The following FSTL4 variants were observed in gnomAD, a reference collection of about 807,000 sequenced individuals.
The protein encoded by FSTL4 is follistatin-related protein 4.
Under a neutral mutation model 78.2 loss-of-function variants are expected in FSTL4, and 28 were observed. The observed-to-expected ratio is 0.36, with a 90% CI of 0.27 to 0.49. The LOEUF (loss-of-function observed/expected upper bound fraction) is 0.49. Among genes scored for constraint, FSTL4 ranks in the 20% least tolerant of loss-of-function variants. The probability of loss-of-function intolerance (pLI) is 0.98; values close to 1 mark genes in which losing one functional copy is unlikely to be tolerated. For missense variants in FSTL4, 922 were observed against 1,084.9 expected (o/e 0.85, Z 2.11); for synonymous variants, 422 against 440.5 (o/e 0.96, Z 0.53).
At chr5:133,635,519 G>A in the FSTL4 span, among the ~76,000 whole-genome samples, 1 of 152,070 alleles carries the variant, frequency 6.6e-6, no homozygotes, top group East Asian at 1.9e-4. Context: ...ATCCCAGCAC[G>A]TTGGGAGGCC....
intron 6 of FSTL4, among the ~76,000 whole-genome samples, chr5:133,265,678 G>A (rs1194729061): frequency 6.6e-6 from 1 of 152,196 alleles, no homozygotes; most frequent in African/African-American, 2.4e-5. Flanking sequence ...CTGAACGCAG[G>A]GGAGTCACTC....
intron 3 of FSTL4, among the ~76,000 whole-genome samples, chr5:133,432,488 G>C (rs545248618): frequency 1.6e-4 from 24 of 152,322 alleles, no homozygotes; most frequent in South Asian, 4.1e-4. Context: ...CTACCTTGTG[G>C]GGGTGGTGTG....
the FSTL4 span, among the ~76,000 whole-genome samples, chr5:133,687,469 C>T: frequency 5.9e-5 from 9 of 152,062 alleles, no homozygotes; most frequent in South Asian, 2.1e-4. Context: ...CTCCTCAGCC[C>T]GGGTAGTGAT....
chr5:133,551,893 A>C (rs1759697918), intron 3 of FSTL4, among the ~76,000 whole-genome samples: 1 of 152,250 alleles, frequency 6.6e-6, no homozygotes, highest in Non-Finnish European at 1.5e-5. Context: ...TTAAAGACAT[A>C]ACTTACATAG....
chr5:133,447,765 C>T (rs1393631114), intron 3 of FSTL4, among the ~76,000 whole-genome samples: 1 of 152,194 alleles, frequency 6.6e-6, no homozygotes, highest in Non-Finnish European at 1.5e-5. Flanking sequence ...GTCTTGAACT[C>T]CTGACCTCAA....
At chr5:133,324,473 C>T (rs867538114) in intron 4 of FSTL4, among the ~76,000 whole-genome samples, 1 of 152,250 alleles carries the variant, frequency 6.6e-6, no homozygotes, top group African/African-American at 2.4e-5. Context: ...ACTCCTTCAG[C>T]CTCCCTCGCC....
In FSTL4 at chr5:133,382,947, G is replaced by T. The variant is rs948177282; in HGVS notation, c.409+17791C>A. Among the ~76,000 whole-genome samples, 5 of 152,210 alleles carry T rather than the reference G, an allele frequency of 3.3e-5. No homozygotes were observed. The East Asian group carries it at 9.7e-4, about 29-fold the overall frequency. ...GAGAGACAGGGAGAGAGAGAGAAGG[G>T]GGGTGGGAGAAGGAGGAACAGAGCG... On this transcript the variant is annotated intron_variant, in intron 4 of 15. Transcript: ENST00000265342.
chr5:133,667,992 T>C, the FSTL4 span, among the ~76,000 whole-genome samples: 1 of 152,244 alleles, frequency 6.6e-6, no homozygotes, highest in Non-Finnish European at 1.5e-5. Flanking sequence ...TTACTTTTCA[T>C]GCCTGATAAC....
the FSTL4 span, among the ~76,000 whole-genome samples, chr5:133,762,969 C>T: frequency 6.6e-6 from 1 of 152,214 alleles, no homozygotes; most frequent in Non-Finnish European, 1.5e-5. Flanking sequence ...TGCATCTGAG[C>T]AGGATGGCAC....
At chr5:133,463,207 C>T (rs1375632583) in intron 3 of FSTL4, among the ~76,000 whole-genome samples, 1 of 152,184 alleles carries the variant, frequency 6.6e-6, no homozygotes, top group African/African-American at 2.4e-5. Flanking sequence ...AAATTTTAGT[C>T]AGGCTTTTTT....
chr5:133,269,688 C>T (rs1581582911), intron 6 of FSTL4, among the ~76,000 whole-genome samples: 1 of 152,166 alleles, frequency 6.6e-6, no homozygotes, highest in East Asian at 1.9e-4. Flanking sequence ...TTGTCTGCTC[C>T]ATGTAAGGGG....
chr5:133,531,983 T>C (rs1759263776), intron 3 of FSTL4, among the ~76,000 whole-genome samples: 1 of 152,214 alleles, frequency 6.6e-6, no homozygotes. Flanking sequence ...CTGGTACCTA[T>C]ACATATGTTC....
chr5:133,224,792 G>A (rs1334687465), intron 10 of FSTL4, among the ~76,000 whole-genome samples: 1 of 152,228 alleles, frequency 6.6e-6, no homozygotes, highest in African/African-American at 2.4e-5. Context: ...TGTGTGCACA[G>A]GTCAGGTTCT....
At chr5:133,281,222 T>C (rs553594238) in intron 6 of FSTL4, among the ~76,000 whole-genome samples, 1 of 152,234 alleles carries the variant, frequency 6.6e-6, no homozygotes, top group East Asian at 1.9e-4. Flanking sequence ...GGCCTGGTAT[T>C]TGTGATCTGC....
intron 3 of FSTL4, among the ~76,000 whole-genome samples, chr5:133,407,913 C>T (rs541319296): frequency 1.9e-4 from 29 of 152,280 alleles, no homozygotes; most frequent in Non-Finnish European, 3.4e-4. Flanking sequence ...ACAGTGCAGA[C>T]GCTGATTCAG....
intron 4 of FSTL4, among the ~76,000 whole-genome samples, chr5:133,376,842 T>C (rs1755445748): frequency 6.7e-6 from 1 of 150,274 alleles, no homozygotes; most frequent in African/African-American, 2.5e-5. Flanking sequence ...TGAGCCGAGA[T>C]TGTGCCATTG....
At chr5:133,639,493 C>G in the FSTL4 span, among the ~76,000 whole-genome samples, 2 of 152,180 alleles carry the variant, frequency 1.3e-5, no homozygotes, top group Non-Finnish European at 2.9e-5. Flanking sequence ...GATGAGAAAG[C>G]CTTTGCTCCT....
chr5:133,378,047 C>T (rs1380275663), intron 4 of FSTL4, among the ~76,000 whole-genome samples: 1 of 152,070 alleles, frequency 6.6e-6, no homozygotes, highest in African/African-American at 2.4e-5. Flanking sequence ...CCAACAAAAC[C>T]ACTTTTCAAA....
At chr5:133,255,965 T>C (rs1752369992) in intron 6 of FSTL4, among the ~76,000 whole-genome samples, 1 of 152,334 alleles carries the variant, frequency 6.6e-6, no homozygotes, top group African/African-American at 2.4e-5. Flanking sequence ...TTTGTAGTGA[T>C]AGAAATTAAA....
Sources: gnomAD v4.1 joint callset for allele counts (sites outside exome capture counted in the v4.1 genomes callset) on GRCh38, gnomAD v4.1.1 for gene constraint, MANE v1.5 for transcripts, NCBI Gene and HGNC (gene_info 2026-07-23, HGNC 2026-07-21) for gene names.